ERP27: variants seen among roughly 807,000 people sequenced by gnomAD.
The protein encoded by ERP27 is endoplasmic reticulum resident protein 27.
ERP27 carries 23 observed loss-of-function variants against 27.7 expected under a neutral mutation model. That is an observed-to-expected ratio of 0.83 (90% CI 0.60 to 1.18). The LOEUF is 1.18. ERP27 is among the 50% of genes most tolerant of loss of function. ERP27 has a pLI of 0.00. For missense variants in ERP27, 363 were observed against 327.9 expected, an observed-to-expected ratio of 1.11 and a Z score of -0.83; for synonymous variants, 159 against 118.3, an observed-to-expected ratio of 1.34 and a Z score of -2.23.
chr12:14,931,363 C>CAA (rs60215173), intron 3 of ERP27, among the ~76,000 whole-genome samples: 3,781 of 129,160 alleles, frequency 0.029, 157 homozygotes, highest in African/African-American at 0.085. Context: ...GTTCCCTTTT[C>CAA]AAAAAAAAAA....
intron 3 of ERP27, among the ~76,000 whole-genome samples, chr12:14,929,409 T>C (rs541319067): frequency 1.3e-5 from 2 of 152,334 alleles, no homozygotes; most frequent in African/African-American, 4.8e-5. Flanking sequence ...GGAACATTCA[T>C]GTTTAGGGTT....
Position 14,914,681 on chromosome 12 carries a change from C to A in ERP27, c.*54G>T. The A allele has an allele frequency of 6.5e-7, 1 of 1,530,552 alleles. No individual in the cohort carries two copies. Among genetic ancestry groups the A allele is most frequent in the South Asian group, 1.2e-5 (1 of 86,338 alleles). 94.8% of individuals were successfully genotyped at this position (1,530,552 alleles called of 1,614,324 possible). A position where few individuals can be genotyped will look rare whatever the true frequency, so the allele number is the denominator to read the frequency against. ...TAGTGTCTCTGAGATTTGAGTTGTG[C>A]CTTTTTACTTTGCATAAAGTAGATA... On this transcript the variant is annotated 3_prime_UTR_variant, in exon 7 of 7. Transcript: ENST00000266397.
chr12:14,914,577 T>TGCGCGCGTGTGTGTGTGCGC lies in ERP27; in HGVS notation c.*157_*158insGCGCACACACACACGCGCGC. On this transcript the variant is annotated 3_prime_UTR_variant, in exon 7 of 7. Coordinates refer to ENST00000266397, the MANE Select transcript of ERP27 (RefSeq NM_152321.4). ...GAAGCTCTGTGTGTGTGTGTGTGTGTGCGTGTGTGTGTGCACGCGTGCGTG... is the reference window on the plus strand; with the variant it reads ...GAAGCTCTGTGTGTGTGTGTGTGTGTGCGCGCGTGTGTGTGTGCGCGCGTGTGTGTGTGCACGCGTGCGTG... 1 of 541,918 alleles carries TGCGCGCGTGTGTGTGTGCGC rather than the reference T, an allele frequency of 1.8e-6. No individual in the cohort carries two copies. Among genetic ancestry groups the TGCGCGCGTGTGTGTGTGCGC allele is most frequent in the Non-Finnish European group, 3.3e-6 (1 of 307,140 alleles). 33.6% of individuals were successfully genotyped at this position (541,918 alleles called of 1,614,324 possible). A position where few individuals can be genotyped will look rare whatever the true frequency, so the allele number is the denominator to read the frequency against.
intron 5 of ERP27, among the ~76,000 whole-genome samples, chr12:14,916,961 T>TA (rs1465535847): frequency 6.6e-6 from 1 of 152,180 alleles, no homozygotes. Flanking sequence ...AACCCACACT[T>TA]AATCACTACA....
intron 6 of ERP27, 69 bp from the exon 7 acceptor site, chr12:14,914,851 C>A (rs1391840042): frequency 7.9e-7 from 1 of 1,259,876 alleles, no homozygotes; most frequent in African/African-American, 1.5e-5. Context: ...AGTCCTAAAT[C>A]CTTCTTTAAT....
At position 14,928,930 on chromosome 12, in the gene ERP27, A is replaced by G. The variant is rs1228106793; in HGVS notation, c.333+5926T>C. 4.6e-6 allele frequency: 7 copies of G among 1,534,344 alleles called. No individual in the cohort carries two copies. In the African/African-American group the frequency reaches 9.6e-5, roughly 21 times the overall value. Reference sequence around the variant, plus strand: ...ATATTTGCAGCTCCTCTAGATACTTAATGCTGCTACCGACCTGTATTTCCA... The same window carrying G: ...ATATTTGCAGCTCCTCTAGATACTTGATGCTGCTACCGACCTGTATTTCCA... On this transcript the variant is annotated intron_variant, in intron 3 of 6. Coordinates refer to ENST00000266397, the MANE Select transcript of ERP27 (RefSeq NM_152321.4).
chr12:14,935,103 T>G (rs1863756014), intron 2 of ERP27, 110 bp from the exon 3 acceptor site: 1 of 1,495,580 alleles, frequency 6.7e-7, no homozygotes, highest in African/African-American at 1.4e-5. Context: ...AGATTTGATT[T>G]ACTGCCCAGT....
chr12:14,917,306 G>A lies in ERP27; in HGVS notation c.451-3C>T, dbSNP rs1278433998. 2 of 1,614,078 alleles carry A rather than the reference G, an allele frequency of 1.2e-6. No individual in the cohort carries two copies. The highest frequency in any genetic ancestry group is 2.2e-5 in the South Asian group (2 of 91,072). ...CTGTTGAATAACCCAATCACAGTCT[G>A]GCAAGTCGAAATGTGTTACAGTAGA... On this transcript the variant is annotated splice_region_variant and splice_polypyrimidine_tract_variant and intron_variant, in intron 4 of 6. Transcript: ENST00000266397.
At chr12:14,929,048 A>T in intron 3 of ERP27, 1 of 1,533,724 alleles carries the variant, frequency 6.5e-7, no homozygotes, top group Non-Finnish European at 8.7e-7. Context: ...TTAACATTTG[A>T]TGTGTCTAAA....
chr12:14,922,017 C>T (rs1863511969), intron 3 of ERP27, among the ~76,000 whole-genome samples: 1 of 152,142 alleles, frequency 6.6e-6, no homozygotes, highest in African/African-American at 2.4e-5. Flanking sequence ...GTATAATATT[C>T]AATTGTCTGA....
At chr12:14,915,293 T>C (rs559900917) in intron 6 of ERP27, among the ~76,000 whole-genome samples, 196 bp downstream of exon 6, 1 of 152,300 alleles carries the variant, frequency 6.6e-6, no homozygotes, top group East Asian at 1.9e-4. Flanking sequence ...TGAAAATATA[T>C]AATACATTGT....
chr12:14,922,706 T>A (rs1240636130), intron 3 of ERP27, among the ~76,000 whole-genome samples: 3 of 152,222 alleles, frequency 2.0e-5, no homozygotes, highest in Non-Finnish European at 2.9e-5. Context: ...TTCTCCTATA[T>A]TTTCTCCTAG....
chr12:14,919,309 TAAA>T (rs1863462719), intron 4 of ERP27, among the ~76,000 whole-genome samples: 1 of 152,188 alleles, frequency 6.6e-6, no homozygotes, highest in Non-Finnish European at 1.5e-5. Flanking sequence ...ATATGGAACT[TAAA>T]AAAGATACGT....
chr12:14,919,334 G>A (rs1386114891), intron 4 of ERP27, among the ~76,000 whole-genome samples: 6 of 152,146 alleles, frequency 3.9e-5, no homozygotes, highest in East Asian at 3.8e-4. Flanking sequence ...ATTGCTCTGC[G>A]AAATGAGAGA....
chr12:14,928,536 C>T (rs965537439), intron 3 of ERP27, among the ~76,000 whole-genome samples: 8 of 152,184 alleles, frequency 5.3e-5, no homozygotes, highest in South Asian at 2.1e-4. Flanking sequence ...CTGCTATATG[C>T]ACTGAGGCAT....
chr12:14,930,150 A>C (rs2430706), intron 3 of ERP27, among the ~76,000 whole-genome samples: 66,123 of 151,862 alleles, frequency 0.44, 15,767 homozygotes, highest in African/African-American at 0.63. Flanking sequence ...CCTTCATGTT[A>C]TGCACATGTA....
At chr12:14,921,099 A>G (rs1391790642) in intron 3 of ERP27, 51 bp from the exon 4 acceptor site, 1 of 1,470,948 alleles carries the variant, frequency 6.8e-7, no homozygotes, top group Non-Finnish European at 9.5e-7. Flanking sequence ...TTTTTCATGT[A>G]TTGATAAACG....
intron 3 of ERP27, among the ~76,000 whole-genome samples, chr12:14,927,879 G>A (rs1235026188): frequency 6.6e-6 from 1 of 152,002 alleles, no homozygotes; most frequent in African/African-American, 2.4e-5. Flanking sequence ...TTGTATTTCA[G>A]AACAAGCTTT....
chr12:14,917,262 G>T lies in ERP27; in HGVS notation c.492C>A (p.Leu164=). The T allele has an allele frequency of 6.2e-7, 1 of 1,614,158 alleles. No individual in the cohort carries two copies. Among genetic ancestry groups the T allele is most frequent in the Non-Finnish European group, 8.5e-7 (1 of 1,180,014 alleles). ...GGGAGGCCTTGTTCATTATCAGGAG[G>T]AGATGAATCTGAATTACGCTGTTGA... ...GLFNSVIQIH[L]LLIMNKASPE... is the part of the protein sequence containing the mutation. The change falls in exon 5 of 7, where the codon CTC becomes CTA. Residue 164 remains leucine (L), a synonymous_variant. Transcript: ENST00000266397.
Sources: allele counts gnomAD v4.1 joint callset (sites outside exome capture counted in the v4.1 genomes callset), GRCh38; gene constraint gnomAD v4.1.1; transcripts MANE v1.5; gene names NCBI Gene and HGNC (gene_info 2026-07-23, HGNC 2026-07-21).